The following RBFOX1 variants were observed in gnomAD, a reference collection of about 807,000 sequenced individuals.
The protein encoded by RBFOX1 is RNA binding protein fox-1 homolog 1.
A neutral mutation model predicts 57.7 loss-of-function variants in RBFOX1; 8 were observed. That is an observed-to-expected ratio of 0.14 (90% CI 0.08 to 0.25). The LOEUF (loss-of-function observed/expected upper bound fraction) is 0.25, where lower values mean the gene tolerates loss of function less well. Ranked by LOEUF, RBFOX1 falls within the 10% of genes least tolerant of loss-of-function variation. The probability of loss-of-function intolerance (pLI) is 1.00; values close to 1 mark genes in which losing one functional copy is unlikely to be tolerated. For missense variants in RBFOX1, 611 were observed against 548.5 expected, an observed-to-expected ratio of 1.11 and a Z score of -1.14; for synonymous variants, 326 against 222.4, an observed-to-expected ratio of 1.47 and a Z score of -4.15.
intron 1 of RBFOX1, among the ~76,000 whole-genome samples, chr16:6,056,116 C>A (rs551846028): frequency 1.3e-5 from 2 of 152,146 alleles, no homozygotes; most frequent in East Asian, 3.9e-4. Flanking sequence ...GTATAAACGG[C>A]GGGAAAATAT....
At chr16:6,668,174 G>A (rs374025453) in intron 3 of RBFOX1, among the ~76,000 whole-genome samples, 7 of 152,224 alleles carry the variant, frequency 4.6e-5, no homozygotes, top group African/African-American at 1.7e-4. Flanking sequence ...GTGCAGACCA[G>A]GGATTGGAAA....
intron 4 of RBFOX1, among the ~76,000 whole-genome samples, chr16:7,471,141 A>T (rs1246158206): frequency 2.0e-5 from 3 of 152,096 alleles, no homozygotes; most frequent in Admixed American, 6.6e-5. Context: ...ATTTGCCATT[A>T]TTCTTGGGGG....
chr16:6,615,312 G>A (rs766709529), intron 2 of RBFOX1, among the ~76,000 whole-genome samples: 3 of 152,142 alleles, frequency 2.0e-5, no homozygotes, highest in Non-Finnish European at 4.4e-5. Flanking sequence ...CCTCATGCCA[G>A]TAATTCTAGT....
chr16:7,247,927 T>C (rs779014651), intron 4 of RBFOX1, among the ~76,000 whole-genome samples: 3 of 151,902 alleles, frequency 2.0e-5, no homozygotes, highest in Non-Finnish European at 4.4e-5. Context: ...TCAGGAAAAA[T>C]AACTAATGAG....
intron 4 of RBFOX1, among the ~76,000 whole-genome samples, chr16:7,360,399 A>C (rs2097298753): frequency 6.6e-6 from 1 of 152,176 alleles, no homozygotes; most frequent in Non-Finnish European, 1.5e-5. Flanking sequence ...AGTGGTCTAC[A>C]GTGTGCCTGT....
At chr16:7,068,132 C>T (rs2056542166) in intron 4 of RBFOX1, among the ~76,000 whole-genome samples, 1 of 151,996 alleles carries the variant, frequency 6.6e-6, no homozygotes, top group African/African-American at 2.4e-5. Context: ...CCCAGATTAT[C>T]CAGGATAATC....
chr16:5,864,566 A>C (rs944621566), intron 3 of RBFOX1, among the ~76,000 whole-genome samples: 4 of 151,518 alleles, frequency 2.6e-5, no homozygotes, highest in African/African-American at 7.3e-5. Flanking sequence ...TTTTTTAGAA[A>C]ATGGTATCTT....
At chr16:5,562,619 T>C (rs1311055605) in intron 2 of RBFOX1, among the ~76,000 whole-genome samples, 1 of 152,080 alleles carries the variant, frequency 6.6e-6, no homozygotes, top group Non-Finnish European at 1.5e-5. Context: ...TTCCTCCAAC[T>C]TGTAAGTGCT....
chr16:6,690,618 T>C (rs891045469), intron 3 of RBFOX1, among the ~76,000 whole-genome samples: 2 of 152,118 alleles, frequency 1.3e-5, no homozygotes, highest in African/African-American at 2.4e-5. Flanking sequence ...CAAGCAGGGA[T>C]TGGTTGATTC....
chr16:5,704,833 G>T (rs545908774), intron 3 of RBFOX1, among the ~76,000 whole-genome samples: 2 of 152,136 alleles, frequency 1.3e-5, no homozygotes, highest in African/African-American at 4.8e-5. Flanking sequence ...CCTTTGAGTT[G>T]TTAGGAACTT....
At chr16:6,871,515 C>T (rs1451585300) in intron 3 of RBFOX1, among the ~76,000 whole-genome samples, 1 of 152,018 alleles carries the variant, frequency 6.6e-6, no homozygotes, top group Non-Finnish European at 1.5e-5. Flanking sequence ...TTTCCTCTCC[C>T]TTATCCCTCA....
At chr16:6,632,593 C>T (rs1301474437) in intron 2 of RBFOX1, among the ~76,000 whole-genome samples, 1 of 152,136 alleles carries the variant, frequency 6.6e-6, no homozygotes, top group African/African-American at 2.4e-5. Flanking sequence ...AAATGAGTCT[C>T]TTGAGGTTAG....
chr16:6,984,177 G>A (rs1030570431), intron 3 of RBFOX1, among the ~76,000 whole-genome samples: 2 of 152,114 alleles, frequency 1.3e-5, no homozygotes, highest in Non-Finnish European at 2.9e-5. Context: ...AACCCTGGAG[G>A]CAGAGGTTGC....
At chr16:7,641,966 C>G (rs2062885701) in intron 11 of RBFOX1, among the ~76,000 whole-genome samples, 2 of 152,100 alleles carry the variant, frequency 1.3e-5, no homozygotes, top group Admixed American at 6.5e-5. Context: ...TAAAGTCCAC[C>G]AAACCAGATG....
intron 3 of RBFOX1, among the ~76,000 whole-genome samples, chr16:6,993,860 C>G (rs1188874702): frequency 2.0e-5 from 3 of 152,130 alleles, no homozygotes; most frequent in African/African-American, 7.2e-5. Flanking sequence ...AGCAATACCA[C>G]CTCTTCCCCG....
chr16:5,824,292 T>C (rs2055959719), intron 3 of RBFOX1, among the ~76,000 whole-genome samples: 1 of 152,210 alleles, frequency 6.6e-6, no homozygotes, highest in African/African-American at 2.4e-5. Flanking sequence ...GCTGAGTGGA[T>C]GGTAGAAGGG....
At chr16:7,249,756 C>A (rs896851561) in intron 4 of RBFOX1, among the ~76,000 whole-genome samples, 1 of 152,000 alleles carries the variant, frequency 6.6e-6, no homozygotes, top group East Asian at 1.9e-4. Flanking sequence ...CATAACAAAC[C>A]GACAGTGATG....
Position 7,304,152 on chromosome 16 carries a change from G to A in RBFOX1, c.28-213995G>A, listed in dbSNP as rs564038267. The A allele has an allele frequency of 2.3e-4, 216 of 954,434 alleles. No individual in the cohort carries two copies. In the South Asian group the frequency reaches 4.4e-3, roughly 20 times the overall value. 59.1% of individuals were successfully genotyped at this position (954,434 alleles called of 1,614,324 possible). On this transcript the variant is annotated intron_variant, in intron 4 of 15. Coordinates refer to ENST00000550418, the MANE Select transcript of RBFOX1 (RefSeq NM_018723.4). ...CAGGCGGGGAGAGCCAGGGAGGAGG[G>A]ACCGGCGGGGTGCGGTGGGGGGAGG...
chr16:7,712,017 A>G lies in RBFOX1; in HGVS notation c.*1272A>G, dbSNP rs1212876780. 1 of 152,322 alleles carries G rather than the reference A, an allele frequency of 6.6e-6. No homozygotes were observed. Among genetic ancestry groups the G allele is most frequent in the Non-Finnish European group, 1.5e-5 (1 of 68,050 alleles). 9.4% of individuals were successfully genotyped at this position (152,322 alleles called of 1,614,324 possible). On this transcript the variant is annotated 3_prime_UTR_variant, in exon 16 of 16. Coordinates refer to ENST00000550418, the MANE Select transcript of RBFOX1 (RefSeq NM_018723.4). ...GTCTCCAAGGCCCAGGACACTTGTC[A>G]GAAGGATGCAAAAAAAGAAAAAAGT...
Sources: gnomAD v4.1 joint callset for allele counts (sites outside exome capture counted in the v4.1 genomes callset) on GRCh38, gnomAD v4.1.1 for gene constraint, MANE v1.5 for transcripts, NCBI Gene and HGNC (gene_info 2026-07-23, HGNC 2026-07-21) for gene names.